CFAP47: variants seen among roughly 807,000 people sequenced by gnomAD.
CFAP47 encodes the protein cilia- and flagella-associated protein 47.
CFAP47 carries 29 observed loss-of-function variants against 148.1 expected under a neutral mutation model. The observed-to-expected ratio is 0.20, with a 90% CI of 0.15 to 0.27. The LOEUF is 0.27. CFAP47 is among the 10% of genes least tolerant of loss of function. CFAP47 has a pLI of 1.00. For synonymous variants in CFAP47, 664 were observed against 577.3 expected (o/e 1.15, Z -2.15); for missense variants, 1,872 against 1,697.5 (o/e 1.10, Z -1.81).
chrX:36,179,174 A>G (rs1388191057), intron 39 of CFAP47, among the ~76,000 whole-genome samples, 171 bp from the exon 40 acceptor site: 1 of 112,322 alleles, frequency 8.9e-6, no homozygotes, highest in East Asian at 2.8e-4. Context: ...TCTTTCTAAC[A>G]TATATCTTTT....
chrX:36,033,761 A>G (rs1226727403), intron 23 of CFAP47, among the ~76,000 whole-genome samples: 2 of 111,512 alleles, frequency 1.8e-5, no homozygotes, highest in African/African-American at 3.3e-5. Flanking sequence ...TGATAATTGT[A>G]TGGCTCATTC....
At chrX:35,947,248 G>A (rs751896245) in intron 3 of CFAP47, among the ~76,000 whole-genome samples, 2 of 110,191 alleles carry the variant, frequency 1.8e-5, no homozygotes, top group Non-Finnish European at 3.8e-5. Flanking sequence ...TTATGTGTAT[G>A]CAGATTGGCT....
At chrX:36,096,165 A>G (rs1273221504) in intron 30 of CFAP47, among the ~76,000 whole-genome samples, 1 of 5,784 alleles carries the variant, frequency 1.7e-4, no homozygotes, top group African/African-American at 2.8e-3. Flanking sequence ...GTTTCCAAAT[A>G]CCTCTTGTTA....
At chrX:36,230,295 T>TG (rs1555992255) in intron 46 of CFAP47, among the ~76,000 whole-genome samples, 1 of 106,745 alleles carries the variant, frequency 9.4e-6, no homozygotes, top group Non-Finnish European at 1.9e-5. Context: ...TTTTTAATGA[T>TG]GCCATTCTAA....
Position 36,248,159 on chromosome X carries a change from ATATG to A in CFAP47, c.7333-3170_7333-3167del, listed in dbSNP as rs1200691662. ...TTATCATATATTATACACATATCAT[ATATG>A]TATTATGTATTATATTTATTATGTA... On this transcript the variant is annotated intron_variant, in intron 48 of 63. Transcript: ENST00000378653. Among the ~76,000 whole-genome samples the A allele has an allele frequency of 8.5e-5, 9 of 106,269 alleles. No individual in the cohort carries two copies. The East Asian group carries it at 2.3e-3, about 27-fold the overall frequency. 92.3% of individuals were successfully genotyped at this position (106,269 alleles called of 115,157 possible). A position where few individuals can be genotyped will look rare whatever the true frequency, so the allele number is the denominator to read the frequency against.
chrX:36,127,685 G>A (rs926684298), intron 33 of CFAP47, among the ~76,000 whole-genome samples: 4 of 111,359 alleles, frequency 3.6e-5, no homozygotes, highest in Non-Finnish European at 7.5e-5. Context: ...ACTTTGGGCA[G>A]TATGGCCGTT....
At chrX:36,276,903 T>G (rs904427645) in intron 49 of CFAP47, among the ~76,000 whole-genome samples, 4 of 111,349 alleles carry the variant, frequency 3.6e-5, no homozygotes, top group Non-Finnish European at 1.9e-5. Context: ...CCACGGATGA[T>G]AGCAGGCAGC....
rs371649775 is a variant in CFAP47, at chrX:36,317,704, C to T, written c.8345-1505C>T. 2.9e-4 allele frequency among the ~76,000 whole-genome samples: 32 copies of T among 110,039 alleles called. No individual in the cohort carries two copies. In the East Asian group the frequency reaches 6.8e-3, roughly 23 times the overall value. ...AAGTGCTGGGATTACAGGCGTGAGC[C>T]GCCGTGCCTGGCCTATATTAAGTCT... is the stretch of plus-strand genomic sequence containing the variant. On this transcript the variant is annotated intron_variant, in intron 56 of 63. Transcript: ENST00000378653.
rs186682903 is a variant in CFAP47 at position 36,188,234 on chromosome X, C to T, written c.6105-386C>T. Among the ~76,000 whole-genome samples, 39 of 111,783 alleles carry T rather than the reference C, an allele frequency of 3.5e-4. No individual in the cohort carries two copies. In the East Asian group the frequency reaches 0.01, roughly 30 times the overall value. On this transcript the variant is annotated intron_variant, in intron 40 of 63. Coordinates refer to ENST00000378653, the MANE Select transcript of CFAP47 (RefSeq NM_001304548.2). ...GGAAATTTTATCAAGAAAGCAATTT[C>T]TAGAACCACTTTTGGAAAAAGTACC... is the stretch of plus-strand genomic sequence containing the variant.
At chrX:36,016,815 G>A (rs902917914) in intron 22 of CFAP47, among the ~76,000 whole-genome samples, 12 of 101,290 alleles carry the variant, frequency 1.2e-4, no homozygotes, top group African/African-American at 4.0e-4. Context: ...CCTTTTCTCC[G>A]TATCCTCACC....
intron 15 of CFAP47, among the ~76,000 whole-genome samples, chrX:35,986,288 G>A (rs1262535418): frequency 9.1e-6 from 1 of 110,095 alleles, no homozygotes; most frequent in Admixed American, 9.8e-5. Flanking sequence ...ATATTTCTTG[G>A]AGGCTTTGTT....
intron 13 of CFAP47, among the ~76,000 whole-genome samples, chrX:35,974,643 A>C (rs949532713): frequency 1.8e-5 from 2 of 112,130 alleles, no homozygotes; most frequent in African/African-American, 6.5e-5. Flanking sequence ...AAATATGTTC[A>C]GTTTACTTAC....
At chrX:35,931,509 G>A (rs1935825817) in intron 2 of CFAP47, among the ~76,000 whole-genome samples, 1 of 111,217 alleles carries the variant, frequency 9.0e-6, no homozygotes, top group African/African-American at 3.3e-5. Context: ...TTGTATCTAG[G>A]CTATTTATAT....
At chrX:35,920,129 G>A (rs989332390) in intron 1 of CFAP47, 81 bp downstream of exon 1, 3 of 1,042,076 alleles carry the variant, frequency 2.9e-6, no homozygotes, top group Non-Finnish European at 3.8e-6. Context: ...CCAGGGAGTA[G>A]TCATCTGGCT....
chrX:36,050,717 C>T (rs1222189058), intron 26 of CFAP47, among the ~76,000 whole-genome samples: 1 of 112,062 alleles, frequency 8.9e-6, no homozygotes, highest in African/African-American at 3.2e-5. Context: ...AACAAGGAGC[C>T]AAATGTTGAT....
At chrX:35,984,937 T>A (rs1001034415) in intron 15 of CFAP47, among the ~76,000 whole-genome samples, 6 of 111,657 alleles carry the variant, frequency 5.4e-5, no homozygotes, top group Admixed American at 9.5e-5. Flanking sequence ...TGGAGAGTTC[T>A]GTATATGTCT....
chrX:35,967,553 T>A (rs933283113), intron 9 of CFAP47, 66 bp from the exon 10 acceptor site: 10 of 805,901 alleles, frequency 1.2e-5, no homozygotes, highest in African/African-American at 2.1e-5. Context: ...AATTAATTCA[T>A]GGTTATTGTT....
At chrX:36,170,950 C>T (rs1442278541) in intron 39 of CFAP47, among the ~76,000 whole-genome samples, 3 of 108,835 alleles carry the variant, frequency 2.8e-5, no homozygotes, top group Admixed American at 9.8e-5. Context: ...ACATCCTCTC[C>T]GGCACCTGTT....
chrX:36,077,183 C>CTT lies in CFAP47; in HGVS notation c.4691+3858_4691+3859dup, dbSNP rs776287161. Among the ~76,000 whole-genome samples, 2 of 20,993 alleles carry CTT rather than the reference C, an allele frequency of 9.5e-5. 1 individual carries two copies. The highest frequency in any genetic ancestry group is 1.8e-4 in the Non-Finnish European group (2 of 10,921). 18.2% of individuals were successfully genotyped at this position (20,993 alleles called of 115,157 possible). On this transcript the variant is annotated intron_variant, in intron 29 of 63. Coordinates refer to ENST00000378653, the MANE Select transcript of CFAP47 (RefSeq NM_001304548.2). ...AAGTCAGGTAATACAGCGCCTCCAG[C>CTT]TTTTTTTTTTTTTTTTTTTTTTTTT...
Sources: allele counts gnomAD v4.1 joint callset (sites outside exome capture counted in the v4.1 genomes callset), GRCh38; gene constraint gnomAD v4.1.1; transcripts MANE v1.5; gene names NCBI Gene and HGNC (gene_info 2026-07-23, HGNC 2026-07-21).